The following XIRP2 variants were observed in gnomAD, a reference collection of about 807,000 sequenced individuals.
XIRP2 encodes xin actin binding repeat containing 2.
In XIRP2, 236 loss-of-function variants were observed where a neutral mutation model predicts 277.0. The observed-to-expected ratio is 0.85, with a 90% CI of 0.77 to 0.95. The LOEUF is 0.95. Among genes scored for constraint, XIRP2 ranks in the 40% least tolerant of loss-of-function variants. The probability of loss-of-function intolerance (pLI) is 0.00; values close to 1 mark genes in which losing one functional copy is unlikely to be tolerated. For synonymous variants in XIRP2, 1,490 were observed against 1,416.5 expected, an observed-to-expected ratio of 1.05 and a Z score of -1.17; for missense variants, 4,640 against 4,157.5, an observed-to-expected ratio of 1.12 and a Z score of -3.19.
Position 167,251,761 on chromosome 2 carries a change from A to T in XIRP2, c.10369A>T (p.Thr3457Ser). ...SGCDFKHAPPTYEDVIAGHIL... is the reference protein window; with the variant it reads ...SGCDFKHAPPSYEDVIAGHIL... ...CTGTGACTTCAAGCATGCCCCACCA[A>T]CCTATGAGGATGTCATTGCTGGACA... Residue 3457 changes from threonine to serine, a missense_variant, in exon 9 of 11, where the codon ACC becomes TCC. By Grantham distance (58) the Thr-to-Ser change is moderately conservative. Transcript: ENST00000409195. The T allele has an allele frequency of 1.2e-6, 2 of 1,613,300 alleles. No homozygotes were observed. Among genetic ancestry groups the T allele is most frequent in the Non-Finnish European group, 1.7e-6 (2 of 1,179,568 alleles).
chr2:167,085,939 T>G (rs1182840280), intron 2 of XIRP2, among the ~76,000 whole-genome samples: 4 of 152,326 alleles, frequency 2.6e-5, no homozygotes, highest in African/African-American at 7.2e-5. Flanking sequence ...TTAGCCCATT[T>G]ACATTTAAAG....
In XIRP2 at chr2:167,249,233, C is replaced by T; in HGVS notation, c.7841C>T (p.Ser2614Phe). 1 of 1,613,670 alleles carries T rather than the reference C, an allele frequency of 6.2e-7. No individual in the cohort carries two copies. Among genetic ancestry groups the T allele is most frequent in the Non-Finnish European group, 8.5e-7 (1 of 1,179,734 alleles). The change falls in exon 9 of 11, where the codon TCT becomes TTT. Residue 2614 changes from serine (S) to phenylalanine (F), a missense_variant. Coordinates refer to ENST00000409195, the MANE Select transcript of XIRP2 (RefSeq NM_152381.6). ...ECTVVQPSPG[S>F]QSNARILGVC... Reference sequence around the variant, plus strand: ...ACTGTGGTTCAACCCAGCCCAGGCTCTCAAAGTAATGCTCGGATACTAGGA... The same window carrying T: ...ACTGTGGTTCAACCCAGCCCAGGCTTTCAAAGTAATGCTCGGATACTAGGA...
chr2:167,159,294 C>A (rs116737553), intron 3 of XIRP2, among the ~76,000 whole-genome samples: 4 of 152,230 alleles, frequency 2.6e-5, no homozygotes, highest in Non-Finnish European at 4.4e-5. Context: ...ATTTTGCTGG[C>A]TAGCAAGGGA....
chr2:166,975,833 GGAGAA>G (rs756715093), intron 2 of XIRP2, among the ~76,000 whole-genome samples: 2 of 147,562 alleles, frequency 1.4e-5, no homozygotes, highest in East Asian at 2.1e-4. Flanking sequence ...GGCTGAGGCA[GGAGAA>G]GAGAATGGCG....
Position 167,258,585 on chromosome 2 carries a change from C to T in XIRP2, c.*768C>T, listed in dbSNP as rs1220293693. ...GAGAAAAATGAAAAAACTAACCAAA[C>T]TAATGGTGCAGAAGTTTTACAGGTT... On this transcript the variant is annotated 3_prime_UTR_variant, in exon 11 of 11. Transcript: ENST00000409195. 2 of 1,612,976 alleles carry T rather than the reference C, an allele frequency of 1.2e-6. No homozygotes were observed. Among genetic ancestry groups the T allele is most frequent in the Admixed American group, 3.3e-5 (2 of 59,822 alleles).
rs1195556438 is a variant in XIRP2, at chr2:166,917,176, C to A, written c.408+13286C>A. Among the ~76,000 whole-genome samples the A allele has an allele frequency of 5.3e-5, 8 of 152,256 alleles. No individual in the cohort carries two copies. In the East Asian group the frequency reaches 7.7e-4, roughly 15 times the overall value. ...AGAAGATTTTATACATCTGACAACACCTTCGTCTTGCAGCCTGCAGAGGTC... is the reference window on the plus strand; with the variant it reads ...AGAAGATTTTATACATCTGACAACAACTTCGTCTTGCAGCCTGCAGAGGTC... On this transcript the variant is annotated intron_variant, in intron 2 of 10. Coordinates refer to ENST00000409195, the MANE Select transcript of XIRP2 (RefSeq NM_152381.6).
At chr2:167,150,559 AAAGT>A (rs1691988367) in intron 3 of XIRP2, among the ~76,000 whole-genome samples, 1 of 152,026 alleles carries the variant, frequency 6.6e-6, no homozygotes, top group Middle Eastern at 3.2e-3. Context: ...ACCTAAATAT[AAAGT>A]AAGATTGAGA....
intron 2 of XIRP2, among the ~76,000 whole-genome samples, chr2:167,057,000 A>G (rs137897248): frequency 8.6e-4 from 131 of 152,270 alleles, no homozygotes; most frequent in African/African-American, 2.9e-3. Context: ...TTCTGTTTCC[A>G]TATGTGAACT....
At chr2:167,150,117 G>T (rs1691970542) in intron 3 of XIRP2, among the ~76,000 whole-genome samples, 1 of 151,382 alleles carries the variant, frequency 6.6e-6, no homozygotes, top group African/African-American at 2.4e-5. Context: ...ATGACATAAA[G>T]AAATAAATAA....
chr2:167,136,229 T>C (rs1691547138), intron 3 of XIRP2, among the ~76,000 whole-genome samples, 167 bp downstream of exon 3: 1 of 152,160 alleles, frequency 6.6e-6, no homozygotes, highest in Non-Finnish European at 1.5e-5. Flanking sequence ...TTATAAATGC[T>C]TCTATCCTTA....
chr2:166,907,762 C>A (rs574608186), intron 2 of XIRP2, among the ~76,000 whole-genome samples: 3 of 116,590 alleles, frequency 2.6e-5, no homozygotes, highest in Non-Finnish European at 5.2e-5. Flanking sequence ...ATCCCTCCCC[C>A]CCTCCCCCCA....
rs374087707 is a variant in XIRP2, at chr2:167,110,178, T to G, written c.409-25731T>G. On this transcript the variant is annotated intron_variant, in intron 2 of 10. Transcript: ENST00000409195. ...GTTGTGCAGAAATTCTTTTATTTAA[T>G]TAGATCCTATTTGTTAATTTTTTTC... Among the ~76,000 whole-genome samples, 20 of 152,346 alleles carry G rather than the reference T, an allele frequency of 1.3e-4. No homozygotes were observed. The East Asian group carries it at 2.3e-3, about 18-fold the overall frequency.
At chr2:167,013,243 C>T (rs927563263) in intron 2 of XIRP2, among the ~76,000 whole-genome samples, 4 of 151,238 alleles carry the variant, frequency 2.6e-5, no homozygotes, top group African/African-American at 9.7e-5. Context: ...TCAGATGCTC[C>T]TTGATGTTCT....
At position 167,121,070 on chromosome 2, in the gene XIRP2, CTG is replaced by C. The variant is rs975565250; in HGVS notation, c.409-14835_409-14834del. On this transcript the variant is annotated intron_variant, in intron 2 of 10. Coordinates refer to ENST00000409195, the MANE Select transcript of XIRP2 (RefSeq NM_152381.6). ...ATGGAAGCCTACAGAGATGAAATAACTGTGTTGTGTTCACTAAGCTGGGAAGT... is the reference window on the plus strand; with the variant it reads ...ATGGAAGCCTACAGAGATGAAATAACTGTTGTGTTCACTAAGCTGGGAAGT... Among the ~76,000 whole-genome samples the C allele has an allele frequency of 2.0e-5, 3 of 152,212 alleles. No individual in the cohort carries two copies. In the South Asian group the frequency reaches 6.2e-4, roughly 32 times the overall value.
At chr2:166,900,672 C>T (rs758087538) in intron 1 of XIRP2, among the ~76,000 whole-genome samples, 1 of 152,104 alleles carries the variant, frequency 6.6e-6, no homozygotes, top group Non-Finnish European at 1.5e-5. Flanking sequence ...CTGGGCTCCC[C>T]ATTATTCCTC....
chr2:167,134,556 T>C (rs1055570114), intron 2 of XIRP2, among the ~76,000 whole-genome samples: 21 of 152,112 alleles, frequency 1.4e-4, no homozygotes, highest in African/African-American at 5.1e-4. Flanking sequence ...ATTATCTGAA[T>C]GGCTGCTTAG....
At chr2:167,187,236 C>T in intron 3 of XIRP2, 1 of 985,226 alleles carries the variant, frequency 1.0e-6, no homozygotes, top group Non-Finnish European at 1.2e-6. Flanking sequence ...GGCAGAGTGG[C>T]CTCAGAGACA....
chr2:166,966,318 A>C (rs1412162520), intron 2 of XIRP2, among the ~76,000 whole-genome samples: 6 of 151,890 alleles, frequency 4.0e-5, no homozygotes, highest in Admixed American at 1.3e-4. Flanking sequence ...AATGATAATT[A>C]ATTTCTGTTC....
chr2:167,027,406 TA>T (rs1387929896), intron 2 of XIRP2, among the ~76,000 whole-genome samples: 2 of 152,162 alleles, frequency 1.3e-5, no homozygotes, highest in African/African-American at 4.8e-5. Context: ...TCCATTCGTC[TA>T]ATTTTTTTTC....
Sources: gnomAD v4.1 joint callset for allele counts (sites outside exome capture counted in the v4.1 genomes callset) on GRCh38, gnomAD v4.1.1 for gene constraint, MANE v1.5 for transcripts, NCBI Gene and HGNC (gene_info 2026-07-23, HGNC 2026-07-21) for gene names.